PLCG2: variants seen among roughly 807,000 people sequenced by gnomAD.
PLCG2 encodes the protein phospholipase C gamma 2.
A neutral mutation model predicts 175.6 loss-of-function variants in PLCG2; 69 were observed. That is an observed-to-expected ratio of 0.39 (90% CI 0.32 to 0.48). The LOEUF (loss-of-function observed/expected upper bound fraction) is 0.48, where lower values mean the gene tolerates loss of function less well. PLCG2 is among the 20% of genes least tolerant of loss of function. The pLI is 0.91. For synonymous variants in PLCG2, 827 were observed against 624.0 expected (o/e 1.33, Z -4.85); for missense variants, 1,798 against 1,650.9 (o/e 1.09, Z -1.54).
Position 81,962,184 on chromosome 16 carries a change from C to G in PLCG2, c.*4186C>G, listed in dbSNP as rs1567552451. 1 of 184,526 alleles carries G rather than the reference C, an allele frequency of 5.4e-6. No homozygotes were observed. 11.4% of individuals were successfully genotyped at this position (184,526 alleles called of 1,614,324 possible). ...TCTCAAGATTGCTGATCTAGGGCCACTAAGTGATGAATTGTATTTGGAAGC... is the reference window on the plus strand; with the variant it reads ...TCTCAAGATTGCTGATCTAGGGCCAGTAAGTGATGAATTGTATTTGGAAGC... On this transcript the variant is annotated 3_prime_UTR_variant, in exon 33 of 33. Coordinates refer to ENST00000564138, the MANE Select transcript of PLCG2 (RefSeq NM_002661.5).
In PLCG2 at chr16:81,939,879, G is replaced by C. The variant is rs757678746; in HGVS notation, c.3314-13G>C. 2.5e-6 allele frequency: 4 copies of C among 1,605,438 alleles called. No individual in the cohort carries two copies. The highest frequency in any genetic ancestry group is 1.3e-5 in the African/African-American group (1 of 74,794). ...TCCAATGTGGCCTCTCATGAGCTTT[G>C]ATCTCCTTCCAGATGATAATGGCCT... On this transcript the variant is annotated splice_polypyrimidine_tract_variant and intron_variant, in intron 29 of 32. Coordinates refer to ENST00000564138, the MANE Select transcript of PLCG2 (RefSeq NM_002661.5).
At chr16:81,949,192 A>G (rs1450837260) in intron 31 of PLCG2, among the ~76,000 whole-genome samples, 1 of 152,216 alleles carries the variant, frequency 6.6e-6, no homozygotes, top group Admixed American at 6.5e-5. Flanking sequence ...GCATGTCCCA[A>G]AGGACAAAGT....
intron 7 of PLCG2, among the ~76,000 whole-genome samples, chr16:81,874,094 C>G (rs904663603): frequency 4.6e-5 from 7 of 152,246 alleles, no homozygotes; most frequent in African/African-American, 1.4e-4. Flanking sequence ...TTGAGCCTGC[C>G]CCTGGTTGTA....
At chr16:81,826,911 C>G (rs555111650) in intron 2 of PLCG2, among the ~76,000 whole-genome samples, 1 of 152,168 alleles carries the variant, frequency 6.6e-6, no homozygotes, top group African/African-American at 2.4e-5. Flanking sequence ...TGGTTTATCC[C>G]TGCTGGAGAT....
chr16:81,820,670 G>C (rs1904755676), intron 2 of PLCG2, among the ~76,000 whole-genome samples: 2 of 151,994 alleles, frequency 1.3e-5, no homozygotes, highest in African/African-American at 4.8e-5. Context: ...ACCCAGGCTG[G>C]AGTGCAGTGG....
intron 29 of PLCG2, 70 bp downstream of exon 29, chr16:81,938,985 C>A: frequency 1.2e-6 from 1 of 856,886 alleles, no homozygotes; most frequent in Non-Finnish European, 1.9e-6. Flanking sequence ...GAGTGCTCTT[C>A]GTGGGGGATT....
chr16:81,885,010 C>T (rs1908285429), intron 9 of PLCG2, among the ~76,000 whole-genome samples: 2 of 151,976 alleles, frequency 1.3e-5, no homozygotes, highest in South Asian at 4.2e-4. Context: ...GCCTCAGCCT[C>T]CCGAATAGCT....
At chr16:81,747,227 T>C (rs949968783) in intron 1 of PLCG2, among the ~76,000 whole-genome samples, 1 of 152,160 alleles carries the variant, frequency 6.6e-6, no homozygotes, top group Non-Finnish European at 1.5e-5. Flanking sequence ...ATTTTCAAAA[T>C]GACAAAAGTT....
chr16:81,932,096 G>C lies in PLCG2; in HGVS notation c.2739+442G>C, dbSNP rs146832381. ...GAACATAGCAAATCAGCGAGACCCG[G>C]TTCTTTCCGGTGGAGGAACTTCCCC... is the stretch of plus-strand genomic sequence containing the variant. On this transcript the variant is annotated intron_variant, in intron 25 of 32. Transcript: ENST00000564138. 2.0e-5 allele frequency among the ~76,000 whole-genome samples: 3 copies of C among 152,164 alleles called. No homozygotes were observed. In the South Asian group the frequency reaches 6.2e-4, roughly 32 times the overall value.
chr16:81,770,850 A>G (rs1036840182), intron 2 of PLCG2, among the ~76,000 whole-genome samples: 4 of 152,112 alleles, frequency 2.6e-5, no homozygotes, highest in East Asian at 1.9e-4. Context: ...TGAGGTCAGG[A>G]GATCGAGACC....
intron 21 of PLCG2, among the ~76,000 whole-genome samples, chr16:81,923,157 A>G (rs752432192): frequency 2.0e-5 from 3 of 152,108 alleles, no homozygotes; most frequent in Non-Finnish European, 4.4e-5. Context: ...TGTCACTACA[A>G]TATAGGGTCA....
chr16:81,951,781 C>T (rs1317684645), intron 31 of PLCG2, among the ~76,000 whole-genome samples: 1 of 152,020 alleles, frequency 6.6e-6, no homozygotes, highest in Non-Finnish European at 1.5e-5. Flanking sequence ...GCACAGTTAG[C>T]AACAAATTAA....
intron 31 of PLCG2, among the ~76,000 whole-genome samples, chr16:81,950,494 A>G (rs1017362378): frequency 6.6e-6 from 1 of 152,244 alleles, no homozygotes; most frequent in African/African-American, 2.4e-5. Context: ...TGTATATAAG[A>G]AATCAGCAAA....
At chr16:81,756,270 T>C (rs755744791) in intron 2 of PLCG2, among the ~76,000 whole-genome samples, 1 of 152,222 alleles carries the variant, frequency 6.6e-6, no homozygotes, top group African/African-American at 2.4e-5. Context: ...GCCTTTCAGA[T>C]AGGGCTTCCT....
intron 22 of PLCG2, among the ~76,000 whole-genome samples, chr16:81,925,510 G>A (rs1278474039): frequency 6.6e-6 from 1 of 152,196 alleles, no homozygotes. Context: ...AGGTGAATTG[G>A]TAGCATCAGT....
chr16:81,743,865 C>T (rs907453448), intron 1 of PLCG2, among the ~76,000 whole-genome samples: 12 of 146,768 alleles, frequency 8.2e-5, no homozygotes, highest in African/African-American at 2.7e-4. Context: ...TTTTCTTTTT[C>T]TTTTTTTTTT....
In PLCG2 at chr16:81,803,582, C is replaced by CTTTCCTTTCCTTTCT. The variant is rs1388648837; in HGVS notation, c.193+17404_193+17405insCTTTCCTTTCTTTTC. Among the ~76,000 whole-genome samples, 937 of 141,048 alleles carry CTTTCCTTTCCTTTCT rather than the reference C, an allele frequency of 6.6e-3. 9 individuals are homozygous for CTTTCCTTTCCTTTCT. Among genetic ancestry groups the CTTTCCTTTCCTTTCT allele is most frequent in the African/African-American group, 0.023 (873 of 37,406 alleles). 92.5% of individuals were successfully genotyped at this position (141,048 alleles called of 152,430 possible). A position where few individuals can be genotyped will look rare whatever the true frequency, so the allele number is the denominator to read the frequency against. ...CCTTCCTTTCCTTTCCTTTCCTTTC[C>CTTTCCTTTCCTTTCT]TTTCTTTTCTTTTCTCCTTTTCTTT... On this transcript the variant is annotated intron_variant, in intron 2 of 32. Transcript: ENST00000564138.
At chr16:81,860,167 TTA>T (rs1431964703) in intron 5 of PLCG2, among the ~76,000 whole-genome samples, 1 of 96,368 alleles carries the variant, frequency 1.0e-5, no homozygotes, top group Non-Finnish European at 2.4e-5. Context: ...ATTATTATTA[TTA>T]TTATTTTTTT....
Position 81,960,748 on chromosome 16 carries a change from G to C in PLCG2, c.*2750G>C, listed in dbSNP as rs1437872966. On this transcript the variant is annotated 3_prime_UTR_variant, in exon 33 of 33. Transcript: ENST00000564138. The stretch of plus-strand genomic sequence containing the variant: ...AATACTTCGTATGCTTTGTGACCTA[G>C]TTAAAATCTAAACTTAAGTCGCCAT... 1 of 229,054 alleles carries C rather than the reference G, an allele frequency of 4.4e-6. No homozygotes were observed. Among genetic ancestry groups the C allele is most frequent in the Non-Finnish European group, 8.7e-6 (1 of 115,492 alleles). The allele number at this position is 229,054 out of a possible 1,614,324, so 14.2% of individuals were successfully genotyped here. A position where few individuals can be genotyped will look rare whatever the true frequency, so the allele number is the denominator to read the frequency against.
Sources: gnomAD v4.1 joint callset for allele counts (sites outside exome capture counted in the v4.1 genomes callset) on GRCh38, gnomAD v4.1.1 for gene constraint, MANE v1.5 for transcripts, NCBI Gene and HGNC (gene_info 2026-07-23, HGNC 2026-07-21) for gene names.